Variants in SLC37A1 observed in about 807,000 individuals in gnomAD.
SLC37A1 encodes glucose-6-phosphate exchanger SLC37A1.
SLC37A1 carries 49 observed loss-of-function variants against 75.3 expected under a neutral mutation model. The observed-to-expected ratio is 0.65, with a 90% CI of 0.52 to 0.83. The LOEUF (loss-of-function observed/expected upper bound fraction) is 0.83. SLC37A1 is among the 40% of genes least tolerant of loss of function. The probability of loss-of-function intolerance (pLI) is 0.00; values close to 1 mark genes in which losing one functional copy is unlikely to be tolerated. For synonymous variants in SLC37A1, 268 were observed against 292.1 expected, an observed-to-expected ratio of 0.92 and a Z score of 0.84; for missense variants, 566 against 695.0, an observed-to-expected ratio of 0.81 and a Z score of 2.09.
intron 2 of SLC37A1, among the ~76,000 whole-genome samples, chr21:42,523,484 A>G (rs932435780): frequency 3.3e-5 from 5 of 152,372 alleles, no homozygotes; most frequent in Middle Eastern, 3.4e-3. Flanking sequence ...CGTGAGAAGC[A>G]GTGGTGGCCT....
At chr21:42,543,319 G>A in intron 7 of SLC37A1, 117 bp from the exon 8 acceptor site, 1 of 1,150,188 alleles carries the variant, frequency 8.7e-7, no homozygotes. Context: ...GGTCTGCATG[G>A]CCCCCCGTTG....
chr21:42,563,373 C>T (rs1017304933), intron 12 of SLC37A1, among the ~76,000 whole-genome samples: 1 of 152,228 alleles, frequency 6.6e-6, no homozygotes, highest in Non-Finnish European at 1.5e-5. Flanking sequence ...CCACACCCGG[C>T]TGGCTCAGTC....
intron 16 of SLC37A1, 122 bp downstream of exon 16, chr21:42,567,180 A>C (rs1054440866): frequency 4.4e-5 from 42 of 949,442 alleles, no homozygotes; most frequent in East Asian, 1.8e-4. Context: ...TTGGCAGCTC[A>C]CCTACACCTG....
chr21:42,569,259 C>G (rs896008977), intron 17 of SLC37A1, among the ~76,000 whole-genome samples: 3 of 152,204 alleles, frequency 2.0e-5, no homozygotes, highest in African/African-American at 7.2e-5. Context: ...TTCCCACTGG[C>G]TCGTGCAGGG....
chr21:42,551,495 G>C (rs1358781300), intron 9 of SLC37A1, among the ~76,000 whole-genome samples: 1 of 152,202 alleles, frequency 6.6e-6, no homozygotes, highest in Non-Finnish European at 1.5e-5. Flanking sequence ...TTTCTTTTTG[G>C]AGGTGATGAA....
At position 42,566,993 on chromosome 21, in the gene SLC37A1, C is replaced by G; in HGVS notation, c.1279C>G (p.Leu427Val). 6.2e-7 allele frequency: 1 copy of G among 1,607,386 alleles called. No homozygotes were observed. The highest frequency in any genetic ancestry group is 8.5e-7 in the Non-Finnish European group (1 of 1,179,860). ...MGLEATIAML[L>V]LSGALVSGPY... ...CCCTCTGCCTCCCACAGCCATGCTG[C>G]TGCTCAGCGGAGCCCTGGTCAGTGG... The change falls in exon 16 of 20, where the codon CTG becomes GTG. Residue 427 changes from leucine (L) to valine (V), a missense_variant. Transcript: ENST00000352133.
At chr21:42,560,011 A>G (rs1457966652) in intron 11 of SLC37A1, among the ~76,000 whole-genome samples, 1 of 151,994 alleles carries the variant, frequency 6.6e-6, no homozygotes, top group African/African-American at 2.4e-5. Flanking sequence ...CACAGGCGGG[A>G]GAAGCCCTCA....
chr21:42,569,486 TC>T (rs2056066485), intron 17 of SLC37A1, among the ~76,000 whole-genome samples: 1 of 15,344 alleles, frequency 6.5e-5, no homozygotes, highest in African/African-American at 3.2e-4. Flanking sequence ...ACAGGTGACC[TC>T]GTGCCGCACT....
intron 17 of SLC37A1, among the ~76,000 whole-genome samples, chr21:42,572,379 A>G (rs2056196617): frequency 6.6e-6 from 1 of 151,958 alleles, no homozygotes; most frequent in Non-Finnish European, 1.5e-5. Flanking sequence ...AAGTTTTCCT[A>G]CCATTTTCTG....
rs1016997519 is a variant in SLC37A1 at position 42,552,186 on chromosome 21, A to C, written c.769-1876A>C. On this transcript the variant is annotated intron_variant, in intron 9 of 19. Coordinates refer to ENST00000352133, the MANE Select transcript of SLC37A1 (RefSeq NM_001320537.2). The surrounding 1 kb of genome is among the most constrained non-coding windows in gnomAD (Gnocchi z 4.2). ...AACTTGTTCTTTTGATTTGTATTTGATTCCTAGGTTACTTAGGTTTAGGAT... is the reference window on the plus strand; with the variant it reads ...AACTTGTTCTTTTGATTTGTATTTGCTTCCTAGGTTACTTAGGTTTAGGAT... 2.0e-5 allele frequency among the ~76,000 whole-genome samples: 3 copies of C among 152,160 alleles called. No homozygotes were observed. The highest frequency in any genetic ancestry group is 7.2e-5 in the African/African-American group (3 of 41,440).
intron 9 of SLC37A1, among the ~76,000 whole-genome samples, chr21:42,550,114 A>G (rs2055520501): frequency 6.6e-6 from 1 of 152,246 alleles, no homozygotes; most frequent in Non-Finnish European, 1.5e-5. Flanking sequence ...GTACTATACC[A>G]TTATCACACT....
intron 2 of SLC37A1, among the ~76,000 whole-genome samples, chr21:42,507,121 A>G (rs2054390746): frequency 6.6e-6 from 1 of 152,160 alleles, no homozygotes; most frequent in Non-Finnish European, 1.5e-5. Context: ...GAGCTCAGGC[A>G]ATCCACTTGC....
chr21:42,517,053 C>A (rs548507076), intron 1 of SLC37A1, among the ~76,000 whole-genome samples: 1 of 152,318 alleles, frequency 6.6e-6, no homozygotes, highest in African/African-American at 2.4e-5. Flanking sequence ...AGGTTCTGGA[C>A]AAGGAGATGG....
At chr21:42,537,986 G>A (rs1227830292) in intron 5 of SLC37A1, among the ~76,000 whole-genome samples, 1 of 152,244 alleles carries the variant, frequency 6.6e-6, no homozygotes, top group Non-Finnish European at 1.5e-5. Flanking sequence ...CAGGTGCAGC[G>A]TGGACTTGAA....
At chr21:42,569,644 G>A (rs572325295) in intron 17 of SLC37A1, among the ~76,000 whole-genome samples, 3 of 152,212 alleles carry the variant, frequency 2.0e-5, no homozygotes, top group Admixed American at 6.5e-5. Context: ...GAACCCTTCC[G>A]ACTCGGCCTC....
At position 42,547,916 on chromosome 21, in the gene SLC37A1, A is replaced by G. The variant is rs1324107209; in HGVS notation, c.768+776A>G. Among the ~76,000 whole-genome samples the G allele has an allele frequency of 3.3e-5, 5 of 151,904 alleles. No homozygotes were observed. The highest frequency in any genetic ancestry group is 4.4e-5 in the Non-Finnish European group (3 of 67,960). On this transcript the variant is annotated intron_variant, in intron 9 of 19. Coordinates refer to ENST00000352133, the MANE Select transcript of SLC37A1 (RefSeq NM_001320537.2). This position sits in a 1 kb window ranked among gnomAD's most constrained non-coding sequence, Gnocchi z 6.1. ...CCTGTCTGCAGGCCACCGCCACCTC[A>G]CGGGAACAGCCCATCAGATCCCAGC...
chr21:42,546,259 G>C (rs1237504170), intron 8 of SLC37A1, among the ~76,000 whole-genome samples: 1 of 152,212 alleles, frequency 6.6e-6, no homozygotes, highest in Non-Finnish European at 1.5e-5. Flanking sequence ...GCTGGTGTCT[G>C]TAAAGGACAC....
chr21:42,525,917 T>C, intron 3 of SLC37A1, 60 bp downstream of exon 3: 1 of 1,311,596 alleles, frequency 7.6e-7, no homozygotes, highest in East Asian at 2.3e-5. Context: ...CTTGAAAAGC[T>C]TGTGGGGCAG....
chr21:42,568,483 A>G (rs1569038037), intron 17 of SLC37A1, 45 bp downstream of exon 17: 3 of 1,570,716 alleles, frequency 1.9e-6, no homozygotes, highest in Non-Finnish European at 1.7e-6. Context: ...GTCTTAGGGG[A>G]AATCACATTG....
Sources: gnomAD v4.1 joint callset for allele counts (sites outside exome capture counted in the v4.1 genomes callset) on GRCh38, gnomAD v4.1.1 for gene constraint, Gnocchi (gnomAD v3.1) non-coding constraint, MANE v1.5 for transcripts, NCBI Gene and HGNC (gene_info 2026-07-23, HGNC 2026-07-21) for gene names.